The following CERS6 variants were observed in gnomAD, a reference collection of about 807,000 sequenced individuals.
CERS6 encodes the protein LAG1 homolog, ceramide synthase 6.
CERS6 carries 26 observed loss-of-function variants against 56.8 expected under a neutral mutation model. The ratio of observed to expected loss-of-function variants is 0.46; its 90% CI spans 0.34 to 0.63. The LOEUF is 0.63. Ranked by LOEUF, CERS6 falls within the 30% of genes least tolerant of loss-of-function variation. The pLI is 0.01. For missense variants in CERS6, 415 were observed against 467.5 expected (o/e 0.89, Z 1.04); for synonymous variants, 164 against 173.3 (o/e 0.95, Z 0.42).
intron 4 of CERS6, among the ~76,000 whole-genome samples, chr2:168,633,117 G>A (rs1574115470): frequency 6.7e-6 from 1 of 150,214 alleles, no homozygotes; most frequent in South Asian, 2.1e-4. Context: ...AACTAGACCA[G>A]TTTTATGCCA....
chr2:168,767,391 T>G (rs1334497643), intron 9 of CERS6, among the ~76,000 whole-genome samples: 1 of 152,220 alleles, frequency 6.6e-6, no homozygotes, highest in Admixed American at 6.5e-5. Flanking sequence ...AAATGTAAAT[T>G]AATCACTTTG....
intron 1 of CERS6, among the ~76,000 whole-genome samples, chr2:168,458,818 A>G (rs930143351): frequency 1.3e-4 from 20 of 152,230 alleles, no homozygotes; most frequent in African/African-American, 4.6e-4. Flanking sequence ...GACCTTCTCA[A>G]TTCTCTGAAA....
At chr2:168,689,457 T>C (rs923300346) in intron 4 of CERS6, among the ~76,000 whole-genome samples, 1 of 152,118 alleles carries the variant, frequency 6.6e-6, no homozygotes, top group East Asian at 1.9e-4. Flanking sequence ...GTGATGAAAA[T>C]TTAAATTATT....
At chr2:168,594,160 A>G (rs1221598842) in intron 3 of CERS6, among the ~76,000 whole-genome samples, 3 of 152,204 alleles carry the variant, frequency 2.0e-5, no homozygotes, top group African/African-American at 4.8e-5. Flanking sequence ...TGAAAATACT[A>G]TTATTATACT....
chr2:168,758,431 T>G lies in CERS6; in HGVS notation c.846-7161T>G, dbSNP rs1282245322. 2.0e-5 allele frequency among the ~76,000 whole-genome samples: 3 copies of G among 152,184 alleles called. No homozygotes were observed. The East Asian group carries it at 5.8e-4, about 29-fold the overall frequency. The stretch of plus-strand genomic sequence containing the variant: ...ACTTGGGTCTAATTATTATTGTGGG[T>G]TTTTTTAGAGATCATTCCAAAAACA... On this transcript the variant is annotated intron_variant, in intron 8 of 9. Coordinates refer to ENST00000305747, the MANE Select transcript of CERS6 (RefSeq NM_203463.3).
At chr2:168,609,551 C>T (rs1348287211) in intron 3 of CERS6, among the ~76,000 whole-genome samples, 1 of 152,178 alleles carries the variant, frequency 6.6e-6, no homozygotes, top group Non-Finnish European at 1.5e-5. Context: ...TCACCCTCAG[C>T]TCCTATGTCC....
At chr2:168,632,686 C>T (rs1684774775) in intron 4 of CERS6, among the ~76,000 whole-genome samples, 4 of 152,076 alleles carry the variant, frequency 2.6e-5, no homozygotes, top group Non-Finnish European at 2.9e-5. Context: ...ATGACTATAG[C>T]GCTTTTGTGC....
intron 8 of CERS6, among the ~76,000 whole-genome samples, chr2:168,738,707 A>C (rs1006939109): frequency 3.9e-5 from 6 of 152,302 alleles, no homozygotes; most frequent in Admixed American, 2.0e-4. Flanking sequence ...TACCAAATGT[A>C]AATCGTAAAA....
intron 3 of CERS6, among the ~76,000 whole-genome samples, chr2:168,575,807 C>A (rs903286243): frequency 7.2e-5 from 11 of 152,096 alleles, no homozygotes; most frequent in Non-Finnish European, 1.5e-5. Context: ...CTTCTTCTCA[C>A]CCCTTGGCCT....
intron 8 of CERS6, among the ~76,000 whole-genome samples, chr2:168,721,670 C>A (rs144776309): frequency 6.7e-6 from 1 of 148,672 alleles, no homozygotes; most frequent in South Asian, 2.2e-4. Flanking sequence ...CCAGGCTGGG[C>A]TACAGTGATG....
chr2:168,626,749 C>A (rs1257063768), intron 3 of CERS6, among the ~76,000 whole-genome samples: 2 of 152,124 alleles, frequency 1.3e-5, no homozygotes, highest in Non-Finnish European at 2.9e-5. Flanking sequence ...ACAGGCTAAT[C>A]CCTAGGCTTC....
At chr2:168,563,572 C>T (rs559990301) in intron 3 of CERS6, among the ~76,000 whole-genome samples, 26 of 152,134 alleles carry the variant, frequency 1.7e-4, no homozygotes, top group African/African-American at 6.3e-4. Context: ...CCGAGGCGGG[C>T]GGATCATGAG....
intron 4 of CERS6, among the ~76,000 whole-genome samples, chr2:168,655,277 T>C (rs1685441523): frequency 6.6e-6 from 1 of 152,198 alleles, no homozygotes; most frequent in African/African-American, 2.4e-5. Flanking sequence ...GTACACTGGT[T>C]TGGGAATGTA....
intron 3 of CERS6, among the ~76,000 whole-genome samples, chr2:168,628,681 G>A (rs1392383593): frequency 6.6e-6 from 1 of 152,164 alleles, no homozygotes; most frequent in African/African-American, 2.4e-5. Flanking sequence ...CAAAGTTTCC[G>A]ACTGATACAG....
At chr2:168,663,460 T>C (rs1329694148) in intron 4 of CERS6, among the ~76,000 whole-genome samples, 1 of 152,176 alleles carries the variant, frequency 6.6e-6, no homozygotes, top group Non-Finnish European at 1.5e-5. Flanking sequence ...GTTGCCCAGG[T>C]TGGTCTTGAA....
At chr2:168,589,643 A>T (rs60195344) in intron 3 of CERS6, among the ~76,000 whole-genome samples, 302 of 152,266 alleles carry the variant, frequency 2.0e-3, no homozygotes, top group African/African-American at 6.2e-3. Flanking sequence ...GTATTTTTTT[A>T]AATATAATTT....
At chr2:168,515,338 A>G (rs1435646728) in intron 1 of CERS6, among the ~76,000 whole-genome samples, 1 of 152,228 alleles carries the variant, frequency 6.6e-6, no homozygotes, top group Non-Finnish European at 1.5e-5. Context: ...ATGTAAATTA[A>G]GAAAGTAACT....
At chr2:168,700,199 C>T (rs1686770481) in intron 6 of CERS6, among the ~76,000 whole-genome samples, 1 of 152,228 alleles carries the variant, frequency 6.6e-6, no homozygotes, top group Non-Finnish European at 1.5e-5. Flanking sequence ...TAGCTCTCTG[C>T]TGACTTTTTG....
chr2:168,716,672 G>T (rs1216709909), intron 7 of CERS6, among the ~76,000 whole-genome samples: 1 of 152,024 alleles, frequency 6.6e-6, no homozygotes, highest in Non-Finnish European at 1.5e-5. Flanking sequence ...CTGAATACTG[G>T]TGAAAAAATA....
Sources: allele counts gnomAD v4.1 joint callset (sites outside exome capture counted in the v4.1 genomes callset), GRCh38; gene constraint gnomAD v4.1.1; transcripts MANE v1.5; gene names NCBI Gene and HGNC (gene_info 2026-07-23, HGNC 2026-07-21).